Variants in CSMD1 observed in about 807,000 individuals in gnomAD.
The protein encoded by CSMD1 is CUB and sushi domain-containing protein 1.
CSMD1 carries 213 observed loss-of-function variants against 417.5 expected under a neutral mutation model. The observed-to-expected ratio is 0.51, with a 90% confidence interval of 0.46 to 0.57. The LOEUF (loss-of-function observed/expected upper bound fraction) is 0.57. Ranked by LOEUF, CSMD1 falls within the 20% of genes least tolerant of loss-of-function variation. The pLI is 0.00. For missense variants in CSMD1, 6,923 were observed against 4,529.7 expected (o/e 1.53, Z -15.17); for synonymous variants, 2,862 against 1,736.8 (o/e 1.65, Z -16.11).
intron 5 of CSMD1, among the ~76,000 whole-genome samples, chr8:3,835,370 A>G (rs1422484357): frequency 6.6e-6 from 1 of 152,142 alleles, no homozygotes; most frequent in Non-Finnish European, 1.5e-5. Flanking sequence ...CATATACACC[A>G]TGGAATACTA....
At chr8:4,805,691 A>T (rs1798548591) in intron 1 of CSMD1, among the ~76,000 whole-genome samples, 1 of 152,220 alleles carries the variant, frequency 6.6e-6, no homozygotes, top group Admixed American at 6.5e-5. Flanking sequence ...TTGCATGCAG[A>T]TGACAGAACA....
intron 46 of CSMD1, among the ~76,000 whole-genome samples, chr8:3,098,884 C>G (rs949458152): frequency 6.7e-6 from 1 of 149,380 alleles, no homozygotes; most frequent in East Asian, 1.9e-4. Context: ...AGCCAATATA[C>G]ACAATTTTTT....
intron 3 of CSMD1, among the ~76,000 whole-genome samples, chr8:4,313,581 G>A (rs552200435): frequency 6.6e-6 from 1 of 151,166 alleles, no homozygotes; most frequent in South Asian, 2.1e-4. Flanking sequence ...GAAGAATGTT[G>A]GAATTAACTG....
intron 3 of CSMD1, among the ~76,000 whole-genome samples, chr8:4,236,682 C>G (rs1802085607): frequency 6.6e-6 from 1 of 152,176 alleles, no homozygotes; most frequent in Admixed American, 6.5e-5. Context: ...TTAAACTCTT[C>G]AAGCTTTGGT....
At chr8:3,127,240 T>C (rs1012906907) in intron 41 of CSMD1, 5 of 152,212 alleles carry the variant, frequency 3.3e-5, no homozygotes, top group African/African-American at 1.2e-4. Flanking sequence ...AAAAGAGGCA[T>C]CTTTGTAAAG....
rs138420814 is a variant in CSMD1, at chr8:3,177,653, TA to T, written c.5725+3456del. On this transcript the variant is annotated intron_variant, in intron 37 of 69. Coordinates refer to ENST00000635120, the MANE Select transcript of CSMD1 (RefSeq NM_033225.6). The stretch of plus-strand genomic sequence containing the variant: ...TGTCAGAGAATGTGGGAAGAAATAA[TA>T]AAAAAACAGATGGGGTAAATAGAAA... Among the ~76,000 whole-genome samples, 1,492 of 151,978 alleles carry T rather than the reference TA, an allele frequency of 9.8e-3. 20 individuals are homozygous for T. Among genetic ancestry groups the T allele is most frequent in the African/African-American group, 0.033 (1,387 of 41,462 alleles).
chr8:4,411,242 G>C (rs1195078381), intron 3 of CSMD1, among the ~76,000 whole-genome samples: 1 of 152,032 alleles, frequency 6.6e-6, no homozygotes, highest in Non-Finnish European at 1.5e-5. Flanking sequence ...TACATATTTT[G>C]TTACTGAAAA....
At chr8:2,955,501 G>C in intron 64 of CSMD1, 88 bp downstream of exon 64, 1 of 1,293,964 alleles carries the variant, frequency 7.7e-7, no homozygotes, top group Non-Finnish European at 1.1e-6. Context: ...TTACTTATGG[G>C]TCTCACACGT....
At chr8:4,989,159 A>C (rs1811332758) in intron 1 of CSMD1, among the ~76,000 whole-genome samples, 1 of 152,190 alleles carries the variant, frequency 6.6e-6, no homozygotes, top group South Asian at 2.1e-4. Flanking sequence ...TGATCATGTA[A>C]TTGAAGGCAA....
intron 1 of CSMD1, among the ~76,000 whole-genome samples, chr8:4,782,707 G>T (rs116918595): frequency 0.01 from 1,542 of 152,012 alleles, 11 homozygotes; most frequent in East Asian, 0.048. Context: ...TATCTTTGTC[G>T]CTTTAATTTG....
chr8:4,845,129 G>A (rs1190050033), intron 1 of CSMD1, among the ~76,000 whole-genome samples: 1 of 151,822 alleles, frequency 6.6e-6, no homozygotes, highest in Non-Finnish European at 1.5e-5. Context: ...AGTTTTATTA[G>A]TATATAAAAA....
At chr8:4,629,378 G>C (rs891533424) in intron 2 of CSMD1, among the ~76,000 whole-genome samples, 3 of 152,158 alleles carry the variant, frequency 2.0e-5, no homozygotes, top group African/African-American at 7.2e-5. Context: ...ATACTGCATT[G>C]TTTTAACTTG....
chr8:4,052,250 G>A (rs956510163), intron 3 of CSMD1, among the ~76,000 whole-genome samples: 1 of 152,152 alleles, frequency 6.6e-6, no homozygotes, highest in Non-Finnish European at 1.5e-5. Flanking sequence ...CTGAGAGGGT[G>A]GGAGTCCAGA....
intron 3 of CSMD1, among the ~76,000 whole-genome samples, chr8:4,144,767 G>A (rs773080553): frequency 6.6e-6 from 1 of 151,016 alleles, no homozygotes; most frequent in African/African-American, 2.5e-5. Context: ...TAGGAGAACA[G>A]GAATGATGGA....
Position 2,969,178 on chromosome 8 carries a change from T to G in CSMD1, c.8924-2432A>C, listed in dbSNP as rs564491332. 1.3e-3 allele frequency among the ~76,000 whole-genome samples: 195 copies of G among 152,308 alleles called. 1 individual carries two copies. Among genetic ancestry groups the G allele is most frequent in the African/African-American group, 4.4e-3 (184 of 41,584 alleles). On this transcript the variant is annotated intron_variant, in intron 57 of 69. Transcript: ENST00000635120. The stretch of plus-strand genomic sequence containing the variant: ...GTTACCAAATTACCCACGCTATATG[T>G]AAAATGCCTAGTGTGAGATCTGATG...
intron 12 of CSMD1, among the ~76,000 whole-genome samples, chr8:3,455,463 A>G (rs1369813986): frequency 6.6e-6 from 1 of 151,966 alleles, no homozygotes; most frequent in Non-Finnish European, 1.5e-5. Flanking sequence ...TTGGTCTTTG[A>G]TGATGGTGAT....
At chr8:4,360,459 C>G (rs1398089526) in intron 3 of CSMD1, among the ~76,000 whole-genome samples, 1 of 152,144 alleles carries the variant, frequency 6.6e-6, no homozygotes, top group Non-Finnish European at 1.5e-5. Flanking sequence ...AGCCCGTTAT[C>G]ATAACCTCTT....
intron 50 of CSMD1, among the ~76,000 whole-genome samples, chr8:3,035,953 T>A (rs1411172911): frequency 2.0e-5 from 3 of 152,242 alleles, no homozygotes; most frequent in African/African-American, 7.2e-5. Flanking sequence ...GGAGATCATT[T>A]CAAAATATTT....
intron 1 of CSMD1, among the ~76,000 whole-genome samples, chr8:4,730,061 A>G (rs1056927748): frequency 6.6e-6 from 1 of 152,150 alleles, no homozygotes; most frequent in African/African-American, 2.4e-5. Context: ...CAGAATGGCC[A>G]GAGAACAAAA....
Sources: gnomAD v4.1 joint callset for allele counts (sites outside exome capture counted in the v4.1 genomes callset) on GRCh38, gnomAD v4.1.1 for gene constraint, MANE v1.5 for transcripts, NCBI Gene and HGNC (gene_info 2026-07-23, HGNC 2026-07-21) for gene names.